TRPM3: variants seen among roughly 807,000 people sequenced by gnomAD.
The protein encoded by TRPM3 is transient receptor potential cation channel subfamily M member 3.
Under a neutral mutation model 181.2 loss-of-function variants are expected in TRPM3, and 77 were observed. The observed-to-expected ratio is 0.42, with a 90% CI of 0.35 to 0.51. The LOEUF is 0.51. TRPM3 is among the 20% of genes least tolerant of loss of function. TRPM3 has a pLI of 0.01. For missense variants in TRPM3, 1,759 were observed against 2,196.7 expected (o/e 0.80, Z 3.98); for synonymous variants, 745 against 796.4 (o/e 0.94, Z 1.09).
intron 1 of TRPM3, among the ~76,000 whole-genome samples, chr9:71,304,805 G>A (rs1190705189): frequency 2.6e-5 from 4 of 152,112 alleles, no homozygotes; most frequent in South Asian, 4.1e-4. Context: ...ATGTATAGAC[G>A]GAACAGATTA....
intron 9 of TRPM3, among the ~76,000 whole-genome samples, chr9:70,666,293 T>G (rs1334908992): frequency 6.6e-6 from 1 of 152,260 alleles, no homozygotes; most frequent in Non-Finnish European, 1.5e-5. Flanking sequence ...GTCTCCCTTC[T>G]TCACGATCCA....
intron 1 of TRPM3, among the ~76,000 whole-genome samples, chr9:70,888,836 T>G (rs1234092969): frequency 6.6e-6 from 1 of 152,180 alleles, no homozygotes; most frequent in East Asian, 1.9e-4. Flanking sequence ...TTCAACAACA[T>G]TTCTGATCAA....
intron 1 of TRPM3, among the ~76,000 whole-genome samples, chr9:71,062,446 C>T (rs2061433604): frequency 6.6e-6 from 1 of 152,058 alleles, no homozygotes; most frequent in Non-Finnish European, 1.5e-5. Context: ...ATTGCAAGAA[C>T]ATCAATACAA....
chr9:71,288,049 A>G (rs1343729245), intron 1 of TRPM3, among the ~76,000 whole-genome samples: 1 of 152,112 alleles, frequency 6.6e-6, no homozygotes, highest in Admixed American at 6.6e-5. Flanking sequence ...AAAATACTAC[A>G]TATTAAATAT....
intron 1 of TRPM3, among the ~76,000 whole-genome samples, chr9:71,109,429 C>G (rs920095001): frequency 5.3e-5 from 8 of 152,074 alleles, no homozygotes; most frequent in Non-Finnish European, 1.0e-4. Flanking sequence ...TGTTAATTTG[C>G]ATTGCATCAC....
chr9:71,305,014 A>T (rs2087137651), intron 1 of TRPM3, among the ~76,000 whole-genome samples: 1 of 152,132 alleles, frequency 6.6e-6, no homozygotes, highest in Admixed American at 6.6e-5. Flanking sequence ...TCTATTCTTA[A>T]AATACCCCTG....
intron 1 of TRPM3, among the ~76,000 whole-genome samples, chr9:71,328,967 T>G (rs763947628): frequency 6.6e-6 from 1 of 152,222 alleles, no homozygotes; most frequent in Non-Finnish European, 1.5e-5. Flanking sequence ...ATCAAAAGTG[T>G]AGACTTCATT....
At position 71,256,945 on chromosome 9, in the gene TRPM3, G is replaced by A. The variant is rs114858044; in HGVS notation, c.183+189708C>T. On this transcript the variant is annotated intron_variant, in intron 1 of 24. Coordinates refer to the TRPM3 transcript ENST00000357533. Reference sequence around the variant, plus strand: ...TTCAGGAAAAGTTGCATATTATAACGTCTTGGATATTCATAATGTATAAAT... The same window carrying A: ...TTCAGGAAAAGTTGCATATTATAACATCTTGGATATTCATAATGTATAAAT... 4.0e-3 allele frequency among the ~76,000 whole-genome samples: 612 copies of A among 152,136 alleles called. 4 individuals are homozygous for A. The highest frequency in any genetic ancestry group is 0.014 in the African/African-American group (586 of 41,502).
intron 1 of TRPM3, among the ~76,000 whole-genome samples, chr9:71,314,486 C>T (rs1288875746): frequency 1.3e-5 from 2 of 151,918 alleles, no homozygotes; most frequent in African/African-American, 4.8e-5. Context: ...CCATACCTAC[C>T]CTATTAATCC....
chr9:70,941,921 A>T (rs1434240203), intron 1 of TRPM3, among the ~76,000 whole-genome samples: 1 of 152,196 alleles, frequency 6.6e-6, no homozygotes, highest in Non-Finnish European at 1.5e-5. Context: ...TTGAAAAAAA[A>T]ATTAACTTGT....
chr9:71,310,368 G>C (rs1158673558), intron 1 of TRPM3, among the ~76,000 whole-genome samples: 1 of 152,074 alleles, frequency 6.6e-6, no homozygotes, highest in Admixed American at 6.6e-5. Context: ...TAATTACAGT[G>C]TGTTATAGTA....
intron 1 of TRPM3, among the ~76,000 whole-genome samples, chr9:70,961,636 A>C (rs1036773454): frequency 1.3e-5 from 2 of 152,136 alleles, no homozygotes; most frequent in Non-Finnish European, 2.9e-5. Context: ...TAACATTTCT[A>C]CTATTACTTT....
intron 1 of TRPM3, among the ~76,000 whole-genome samples, chr9:71,074,086 C>G (rs541034274): frequency 2.6e-5 from 4 of 152,058 alleles, no homozygotes; most frequent in Non-Finnish European, 5.9e-5. Context: ...AAGAGGCTAG[C>G]GGAACCATGA....
At chr9:71,235,930 G>A (rs531459448) in intron 1 of TRPM3, among the ~76,000 whole-genome samples, 4 of 152,118 alleles carry the variant, frequency 2.6e-5, no homozygotes, top group Non-Finnish European at 5.9e-5. Flanking sequence ...GCCTAGGATC[G>A]AGCTTACAAA....
chr9:70,802,340 C>T (rs1158302206), intron 6 of TRPM3, among the ~76,000 whole-genome samples: 4 of 152,070 alleles, frequency 2.6e-5, no homozygotes, highest in African/African-American at 9.7e-5. Context: ...GTTTTCAGGC[C>T]AGATGGACTC....
chr9:70,833,692 T>C (rs1156265069), intron 5 of TRPM3, among the ~76,000 whole-genome samples: 1 of 151,890 alleles, frequency 6.6e-6, no homozygotes, highest in East Asian at 1.9e-4. Flanking sequence ...GATATTAGGG[T>C]TGGTTTTGCT....
At chr9:70,578,641 GATCA>G (rs765208622) in intron 22 of TRPM3, among the ~76,000 whole-genome samples, 1 of 152,238 alleles carries the variant, frequency 6.6e-6, no homozygotes, top group African/African-American at 2.4e-5. Context: ...TGTAAGGGAT[GATCA>G]ATGGGGACCT....
intron 22 of TRPM3, among the ~76,000 whole-genome samples, chr9:70,584,719 C>T (rs2056741919): frequency 6.6e-6 from 1 of 152,314 alleles, no homozygotes. Context: ...TTTGATTATT[C>T]CTTTTTCCTC....
chr9:70,965,042 C>T (rs2097172372), intron 1 of TRPM3, among the ~76,000 whole-genome samples: 1 of 151,656 alleles, frequency 6.6e-6, no homozygotes, highest in African/African-American at 2.4e-5. Context: ...AGTTCTCTAA[C>T]TCACTCACTC....
Sources: gnomAD v4.1 joint callset for allele counts (sites outside exome capture counted in the v4.1 genomes callset) on GRCh38, gnomAD v4.1.1 for gene constraint, MANE v1.5 for transcripts, NCBI Gene and HGNC (gene_info 2026-07-23, HGNC 2026-07-21) for gene names.